The following DAB1 variants were observed in gnomAD, a reference collection of about 807,000 sequenced individuals.
The protein encoded by DAB1 is DAB adaptor protein 1.
DAB1 carries 15 observed loss-of-function variants against 64.6 expected under a neutral mutation model. The ratio of observed to expected loss-of-function variants is 0.23; its 90% confidence interval spans 0.16 to 0.36. DAB1 has a LOEUF of 0.36. Among genes scored for constraint, DAB1 ranks in the 10% least tolerant of loss-of-function variants. The pLI is 1.00. For synonymous variants in DAB1, 235 were observed against 251.9 expected (o/e 0.93, Z 0.64); for missense variants, 596 against 706.7 (o/e 0.84, Z 1.78).
rs267648 is a variant in DAB1, at chr1:57,327,783, C to A, written c.-136-36617G>T. 8.9e-3 allele frequency among the ~76,000 whole-genome samples: 1,355 copies of A among 152,194 alleles called. 26 individuals carry two copies. The highest frequency in any genetic ancestry group is 0.03 in the African/African-American group (1,248 of 41,528). ...CAACGGTGGCCTCTTGAGATTTGAG[C>A]GGCCAAATCAATTCCTTTGCCAGAG... On this transcript the variant is annotated intron_variant, in intron 1 of 14. Transcript: ENST00000371236.
At chr1:58,505,742 T>C (rs1645977947) in intron 3 of DAB1, among the ~76,000 whole-genome samples, 1 of 152,154 alleles carries the variant, frequency 6.6e-6, no homozygotes, top group African/African-American at 2.4e-5. Context: ...TAAATTATCA[T>C]CAACATGTTT....
At chr1:58,022,688 T>C (rs186095048) in intron 5 of DAB1, among the ~76,000 whole-genome samples, 116 of 152,340 alleles carry the variant, frequency 7.6e-4, no homozygotes, top group Admixed American at 1.6e-3. Context: ...AAAATCCTTA[T>C]CCTTTGTATG....
chr1:57,428,902 T>C (rs889085249), upstream of DAB1, among the ~76,000 whole-genome samples: 101 of 137,488 alleles, frequency 7.3e-4, no homozygotes, highest in African/African-American at 2.5e-3. Context: ...ATTTTTTTTG[T>C]TGTTGTTGTT....
intron 5 of DAB1, among the ~76,000 whole-genome samples, chr1:58,044,359 C>T (rs554738738): frequency 3.3e-5 from 5 of 152,106 alleles, no homozygotes; most frequent in African/African-American, 9.6e-5. Flanking sequence ...TTCCCTATTC[C>T]TCTAGCCTAG....
intron 7 of DAB1, among the ~76,000 whole-genome samples, chr1:57,599,164 G>A (rs567613853): frequency 5.3e-5 from 8 of 149,670 alleles, no homozygotes; most frequent in Non-Finnish European, 1.0e-4. Flanking sequence ...GATGCTTACC[G>A]GTTGATTTGA....
chr1:58,497,623 A>T (rs923060098), intron 3 of DAB1, among the ~76,000 whole-genome samples: 2 of 147,622 alleles, frequency 1.4e-5, no homozygotes, highest in Non-Finnish European at 3.0e-5. Context: ...AGGAAGAAGA[A>T]GTTACCGTTT....
rs1265474910 is a variant in DAB1, at chr1:57,437,186, G to C, written n.626-146020C>G. The stretch of plus-strand genomic sequence containing the variant: ...AGACTTTCAACTTCTTCCAAACCTT[G>C]ATATTCTGTAATTCCTGGAAGAGTT... On this transcript the variant is annotated intron_variant and non_coding_transcript_variant, in intron 7 of 20. Transcript: ENST00000485760. Among the ~76,000 whole-genome samples the C allele has an allele frequency of 3.3e-5, 5 of 152,136 alleles. No individual in the cohort carries two copies. The South Asian group carries it at 8.3e-4, about 25-fold the overall frequency.
intron 1 of DAB1, among the ~76,000 whole-genome samples, chr1:57,333,181 T>G (rs750430307): frequency 1.4e-4 from 21 of 152,236 alleles, no homozygotes; most frequent in Non-Finnish European, 4.4e-5. Flanking sequence ...CTGGCTGGAA[T>G]GTAAGCCTCT....
intron 5 of DAB1, among the ~76,000 whole-genome samples, chr1:58,143,648 A>G (rs1000424249): frequency 4.6e-5 from 7 of 152,208 alleles, no homozygotes; most frequent in African/African-American, 1.7e-4. Context: ...AATATAAAGC[A>G]GGTCAAAATC....
At chr1:57,853,428 C>T (rs1483789659) in intron 1 of DAB1, among the ~76,000 whole-genome samples, 2 of 152,116 alleles carry the variant, frequency 1.3e-5, no homozygotes, top group South Asian at 4.1e-4. Context: ...GTGATTCTCC[C>T]TTTCCTCAAG....
intron 9 of DAB1, among the ~76,000 whole-genome samples, chr1:57,061,994 C>G (rs925791430): frequency 3.3e-5 from 5 of 152,176 alleles, no homozygotes; most frequent in South Asian, 2.1e-4. Context: ...TTGGCTGTGG[C>G]AAAGTCACAT....
chr1:58,113,297 G>A (rs1475779861), intron 5 of DAB1, among the ~76,000 whole-genome samples: 1 of 152,138 alleles, frequency 6.6e-6, no homozygotes, highest in East Asian at 1.9e-4. Context: ...GGGTGCGTGG[G>A]AGAGGGACAT....
intron 4 of DAB1, among the ~76,000 whole-genome samples, chr1:58,289,355 C>T (rs1557723293): frequency 6.6e-6 from 1 of 152,126 alleles, no homozygotes; most frequent in Non-Finnish European, 1.5e-5. Context: ...GGTGAAGTGA[C>T]TTCCTCAAGA....
chr1:57,262,468 A>G (rs550039844), intron 2 of DAB1, among the ~76,000 whole-genome samples: 1 of 152,342 alleles, frequency 6.6e-6, no homozygotes. Context: ...AGAGCCACCC[A>G]TGAAGATACA....
intron 1 of DAB1, among the ~76,000 whole-genome samples, chr1:57,406,645 G>T (rs952961844): frequency 6.6e-6 from 1 of 152,106 alleles, no homozygotes; most frequent in Non-Finnish European, 1.5e-5. Context: ...CACCAGCACC[G>T]CAATCTCCAT....
At chr1:57,026,068 G>T in intron 9 of DAB1, 25 bp from the exon 10 acceptor site, 1 of 1,586,506 alleles carries the variant, frequency 6.3e-7, no homozygotes, top group Non-Finnish European at 8.6e-7. Context: ...AGGTAATCAT[G>T]TGACTACAAA....
chr1:57,015,536 G>T, intron 11 of DAB1, 105 bp from the exon 12 acceptor site: 2 of 1,033,202 alleles, frequency 1.9e-6, no homozygotes, highest in South Asian at 1.7e-5. Flanking sequence ...CCAACTAAGT[G>T]CCAGACTGTG....
chr1:57,379,284 T>C (rs1312313943), intron 1 of DAB1, among the ~76,000 whole-genome samples: 1 of 152,162 alleles, frequency 6.6e-6, no homozygotes, highest in Non-Finnish European at 1.5e-5. Context: ...AGATAGATGA[T>C]CTGTAAGATA....
chr1:57,409,332 T>C (rs1683913366), intron 1 of DAB1, among the ~76,000 whole-genome samples: 1 of 152,230 alleles, frequency 6.6e-6, no homozygotes, highest in Non-Finnish European at 1.5e-5. Context: ...GTTCTTCCTA[T>C]TAAGCTGGTA....
Sources: allele counts gnomAD v4.1 joint callset (sites outside exome capture counted in the v4.1 genomes callset), GRCh38; gene constraint gnomAD v4.1.1; transcripts MANE v1.5; gene names NCBI Gene and HGNC (gene_info 2026-07-23, HGNC 2026-07-21).